The following MYH14 variants were observed in gnomAD, a reference collection of about 807,000 sequenced individuals.
MYH14 encodes myosin heavy chain 14.
Under a neutral mutation model 255.5 loss-of-function variants are expected in MYH14, and 123 were observed. The ratio of observed to expected loss-of-function variants is 0.48; its 90% CI spans 0.42 to 0.56. The LOEUF is 0.56. Ranked by LOEUF, MYH14 falls within the 20% of genes least tolerant of loss-of-function variation. The pLI is 0.00. For missense variants in MYH14, 2,423 were observed against 2,802.3 expected, an observed-to-expected ratio of 0.86 and a Z score of 3.06; for synonymous variants, 1,095 against 1,161.2, an observed-to-expected ratio of 0.94 and a Z score of 1.16.
At position 50,309,716 on chromosome 19, in the gene MYH14, G is replaced by A; in HGVS notation, c.6037G>A (p.Glu2013Lys). 1 of 1,604,186 alleles carries A rather than the reference G, an allele frequency of 6.2e-7. No homozygotes were observed. Among genetic ancestry groups the A allele is most frequent in the Non-Finnish European group, 8.5e-7 (1 of 1,175,746 alleles). Residue 2013 changes from glutamate to lysine, a missense_variant, in exon 43 of 43, where the codon GAG becomes AAG. Glu to Lys is a moderately conservative substitution (Grantham distance 56). This residue lies in a region of MYH14 where 1,513 missense variants were observed against 1,674.8 expected (regional missense o/e 0.90). Coordinates refer to ENST00000642316, the MANE Select transcript of MYH14 (RefSeq NM_001145809.2). ...RLEEGVASDE[E>K]AEEAQPGSGP... ...AGAGGAGGGCGTGGCATCCGACGAGGAGGCAGAGGAAGCACAGCCTGGGTC... is the reference window on the plus strand; with the variant it reads ...AGAGGAGGGCGTGGCATCCGACGAGAAGGCAGAGGAAGCACAGCCTGGGTC...
intron 34 of MYH14, among the ~76,000 whole-genome samples, chr19:50,287,660 A>T (rs1601029720): frequency 2.6e-5 from 4 of 151,898 alleles, no homozygotes. Context: ...CAATCCTCCC[A>T]CTTCAGCCTC....
chr19:50,277,281 T>C (rs1021734572), intron 29 of MYH14, among the ~76,000 whole-genome samples: 6 of 152,042 alleles, frequency 3.9e-5, no homozygotes, highest in African/African-American at 1.4e-4. Flanking sequence ...GTAGAGAGGC[T>C]GTGGAGGTAT....
chr19:50,213,866 C>G (rs564211111), intron 2 of MYH14, among the ~76,000 whole-genome samples: 53 of 152,304 alleles, frequency 3.5e-4, no homozygotes, highest in African/African-American at 1.2e-3. Context: ...TGCTCTGTCA[C>G]ACAGGCTGGA....
chr19:50,257,588 T>C (rs1851398728), intron 18 of MYH14, 102 bp downstream of exon 18: 3 of 1,217,154 alleles, frequency 2.5e-6, no homozygotes, highest in Non-Finnish European at 3.5e-6. Context: ...GACCCTCAAA[T>C]TAGCTGTGTG....
At chr19:50,269,036 C>T (rs2035199871) in intron 24 of MYH14, among the ~76,000 whole-genome samples, 2 of 151,942 alleles carry the variant, frequency 1.3e-5, no homozygotes, top group Admixed American at 6.5e-5. Flanking sequence ...ATTCACATGG[C>T]CAAGTTGTTC....
intron 2 of MYH14, among the ~76,000 whole-genome samples, chr19:50,214,680 G>C (rs2032377055): frequency 1.3e-5 from 2 of 152,116 alleles, no homozygotes; most frequent in South Asian, 4.1e-4. Flanking sequence ...AACACTGGAT[G>C]GCTTCAAAGT....
chr19:50,232,937 G>T (rs1020634685), intron 10 of MYH14, among the ~76,000 whole-genome samples: 25 of 152,068 alleles, frequency 1.6e-4, no homozygotes, highest in Admixed American at 3.9e-4. Context: ...TGGGAGGGCT[G>T]GGAGCAGGGG....
rs371748331 is a variant in MYH14 at position 50,309,130 on chromosome 19, G to A, written c.5913G>A (p.Ser1971=). 48 of 1,613,764 alleles carry A rather than the reference G, an allele frequency of 3.0e-5. 1 individual carries two copies. The Admixed American group carries it at 4.2e-4, about 14-fold the overall frequency. The change falls in exon 42 of 43, where the codon TCG becomes TCA. Residue 1971 remains serine (S), a synonymous_variant. Coordinates refer to ENST00000642316, the MANE Select transcript of MYH14 (RefSeq NM_001145809.2). ...LQRELEDVTE[S]AESMNREVTT... is the part of the protein sequence containing the mutation. ...GTGAGCTGGAAGATGTCACAGAGTCGGCCGAGTCCATGAACCGTGAAGTGA... is the reference window on the plus strand; with the variant it reads ...GTGAGCTGGAAGATGTCACAGAGTCAGCCGAGTCCATGAACCGTGAAGTGA...
rs761170226 is a variant in MYH14 at position 50,261,594 on chromosome 19, C to T, written c.2544C>T (p.Ile848=). Residue 848 remains isoleucine, a synonymous_variant, in exon 21 of 43, where the codon ATC becomes ATT. Coordinates refer to ENST00000642316, the MANE Select transcript of MYH14 (RefSeq NM_001145809.2). Reference sequence around the variant, plus strand: ...GAGACCTGAAGGTCACCGACATCATCGTCTCCTTCCAGGCAGCTGCCCGGG... The same window carrying T: ...GAGACCTGAAGGTCACCGACATCATTGTCTCCTTCCAGGCAGCTGCCCGGG... ...EERDLKVTDI[I]VSFQAAARGY... The T allele has an allele frequency of 1.1e-5, 17 of 1,604,238 alleles. No individual in the cohort carries two copies. In the East Asian group the frequency reaches 2.5e-4, roughly 24 times the overall value.
chr19:50,266,777 TGGA>T lies in MYH14; in HGVS notation c.2695-95_2695-93del. ...AAGGCGGGGACACACAGCTAATAGG[TGGA>T]GGAGAAGGGATTTGAACCCAGAAAC... On this transcript the variant is annotated intron_variant, in intron 22 of 42. Coordinates refer to ENST00000642316, the MANE Select transcript of MYH14 (RefSeq NM_001145809.2). This position sits in a 1 kb window ranked among gnomAD's most constrained non-coding sequence, Gnocchi z 4.1. 2 of 1,471,848 alleles carry T rather than the reference TGGA, an allele frequency of 1.4e-6. No homozygotes were observed. Among genetic ancestry groups the T allele is most frequent in the Admixed American group, 2.0e-5 (1 of 49,914 alleles). The allele number at this position is 1,471,848 out of a possible 1,614,324, so 91.2% of individuals were successfully genotyped here.
At chr19:50,270,399 AATC>A (rs2035250400) in intron 24 of MYH14, among the ~76,000 whole-genome samples, 1 of 151,794 alleles carries the variant, frequency 6.6e-6, no homozygotes, top group Non-Finnish European at 1.5e-5. Flanking sequence ...GGGTGCCTGT[AATC>A]CCAGCTACTC....
rs552109478 is a variant in MYH14 at position 50,287,434 on chromosome 19, A to G, written c.4752+740A>G. Among the ~76,000 whole-genome samples the G allele has an allele frequency of 9.9e-5, 15 of 152,262 alleles. 2 individuals are homozygous for G. The South Asian group carries it at 3.1e-3, about 32-fold the overall frequency. Reference sequence around the variant, plus strand: ...TTTTTTGTTTTGTTTTATTTTTGAGATAGGGTCTTGCTCTGTTGCCCAGGC... The same window carrying G: ...TTTTTTGTTTTGTTTTATTTTTGAGGTAGGGTCTTGCTCTGTTGCCCAGGC... On this transcript the variant is annotated intron_variant, in intron 34 of 42. Transcript: ENST00000642316.
Position 50,280,229 on chromosome 19 carries a change from A to G in MYH14, c.4138-2A>G. On this transcript the variant is annotated splice_acceptor_variant, in intron 31 of 42. Transcript: ENST00000642316. LOFTEE classifies it high-confidence loss of function. This position sits in a 1 kb window ranked among gnomAD's most constrained non-coding sequence, Gnocchi z 4.8. ...TGACATTGCCGTCTCCTCCATCTAC[A>G]GGAGCTGCTGCAGGAGGAGACCAGG... The G allele has an allele frequency of 3.2e-6, 5 of 1,552,360 alleles. No individual in the cohort carries two copies. The highest frequency in any genetic ancestry group is 4.4e-6 in the Non-Finnish European group (5 of 1,147,400).
At chr19:50,272,115 A>AG in intron 26 of MYH14, 143 bp downstream of exon 26, 1 of 1,114,206 alleles carries the variant, frequency 9.0e-7, no homozygotes, top group South Asian at 1.5e-5. Context: ...GTGTCCTCCC[A>AG]GCTCTTGAGT....
At chr19:50,265,559 G>C (rs2035054552) in intron 22 of MYH14, among the ~76,000 whole-genome samples, 1 of 151,990 alleles carries the variant, frequency 6.6e-6, no homozygotes. Context: ...GGAGGCGTAT[G>C]CCTGTAATCC....
intron 17 of MYH14, 30 bp from the exon 18 acceptor site, chr19:50,257,266 CCTT>C: frequency 1.3e-6 from 2 of 1,558,104 alleles, no homozygotes; most frequent in Non-Finnish European, 1.7e-6. Flanking sequence ...ACCCTGACCT[CCTT>C]CTCTCTCTCT....
At position 50,290,883 on chromosome 19, in the gene MYH14, C is replaced by A; in HGVS notation, c.4966-4C>A. 6.4e-7 allele frequency: 1 copy of A among 1,554,292 alleles called. No homozygotes were observed. The highest frequency in any genetic ancestry group is 8.7e-7 in the Non-Finnish European group (1 of 1,149,664). ...GACCCGGTCCCTCCTGACCTCCTCT[C>A]CAGCTGAGAGATGCAGAGGTGGAGC... On this transcript the variant is annotated splice_polypyrimidine_tract_variant and splice_region_variant and intron_variant, in intron 35 of 42. Transcript: ENST00000642316.
At chr19:50,273,637 A>G (rs1350538204) in intron 27 of MYH14, among the ~76,000 whole-genome samples, 1 of 138,594 alleles carries the variant, frequency 7.2e-6, no homozygotes, top group African/African-American at 2.9e-5. Context: ...TGTGTGGTTA[A>G]GAACACGTCT....
At position 50,309,863 on chromosome 19, in the gene MYH14, TCCCAGGAACCCCGCCC is replaced by T; in HGVS notation, c.*74_*89del. On this transcript the variant is annotated 3_prime_UTR_variant, in exon 43 of 43. Transcript: ENST00000642316. ...CCTCCCTGGACCCCACGGGCCCCTGTCCCAGGAACCCCGCCCTCTGACTTCTTGCCCTTTGGAAATG... is the reference window on the plus strand; with the variant it reads ...CCTCCCTGGACCCCACGGGCCCCTGTTCTGACTTCTTGCCCTTTGGAAATG... The T allele has an allele frequency of 6.8e-7, 1 of 1,467,588 alleles. No individual in the cohort carries two copies. The highest frequency in any genetic ancestry group is 9.3e-7 in the Non-Finnish European group (1 of 1,071,930). 90.9% of individuals were successfully genotyped at this position (1,467,588 alleles called of 1,614,324 possible).
Sources: gnomAD v4.1 joint callset for allele counts (sites outside exome capture counted in the v4.1 genomes callset) on GRCh38, gnomAD v4.1.1 for gene constraint, gnomAD v4.1.1 regional missense constraint, Gnocchi (gnomAD v3.1) non-coding constraint, MANE v1.5 for transcripts, NCBI Gene and HGNC (gene_info 2026-07-23, HGNC 2026-07-21) for gene names.